ETF1: variants seen among roughly 807,000 people sequenced by gnomAD.
ETF1 encodes eukaryotic peptide chain release factor subunit 1.
A neutral mutation model predicts 55.1 loss-of-function variants in ETF1; 4 were observed. The observed-to-expected ratio is 0.07, with a 90% CI of 0.04 to 0.17. ETF1 has a LOEUF of 0.17. Among genes scored for constraint, ETF1 ranks in the 10% least tolerant of loss-of-function variants. The probability of loss-of-function intolerance (pLI) is 1.00; values close to 1 mark genes in which losing one functional copy is unlikely to be tolerated. For missense variants in ETF1, 142 were observed against 523.6 expected, an observed-to-expected ratio of 0.27 and a Z score of 7.11; for synonymous variants, 157 against 182.3, an observed-to-expected ratio of 0.86 and a Z score of 1.12.
chr5:138,510,858 C>A, intron 8 of ETF1, 187 bp downstream of exon 8: 1 of 845,516 alleles, frequency 1.2e-6, no homozygotes, highest in Non-Finnish European at 1.4e-6. Context: ...ATGTAACAAT[C>A]TTAAGCAGAC....
Position 138,517,691 on chromosome 5 carries a change from T to C in ETF1, c.272A>G (p.Asn91Ser). Residue 91 changes from asparagine to serine, a missense_variant, in exon 4 of 11, where the codon AAT becomes AGT. By Grantham distance (46) the Asn-to-Ser change is conservative. Around this residue, in one of 5 missense-constraint regions of ETF1, gnomAD observed 14 missense variants for 22.3 expected, o/e 0.63. Coordinates refer to ENST00000360541, the MANE Select transcript of ETF1 (RefSeq NM_004730.4). ...TGTTCCACAGTATACAACCAGACCA[T>C]TTGGAGGTACTGCAAAGAACACAAA... is the stretch of plus-strand genomic sequence containing the variant. ...RLKLYNKVPP[N>S]GLVVYCGTIV... 1 of 1,503,298 alleles carries C rather than the reference T, an allele frequency of 6.7e-7. No individual in the cohort carries two copies. The highest frequency in any genetic ancestry group is 9.0e-7 in the Non-Finnish European group (1 of 1,111,360). 93.1% of individuals were successfully genotyped at this position (1,503,298 alleles called of 1,614,324 possible).
intron 2 of ETF1, among the ~76,000 whole-genome samples, chr5:138,526,723 T>TG (rs1277703370): frequency 6.6e-6 from 1 of 151,702 alleles, no homozygotes; most frequent in Non-Finnish European, 1.5e-5. Flanking sequence ...TTTTTTGAGA[T>TG]GGAGTCTCGC....
intron 2 of ETF1, among the ~76,000 whole-genome samples, chr5:138,541,148 C>T (rs1029401958): frequency 3.9e-5 from 6 of 152,308 alleles, no homozygotes; most frequent in Middle Eastern, 6.8e-3. Flanking sequence ...GGATTGAAGG[C>T]TTCAAGTAAC....
intron 2 of ETF1, 154 bp from the exon 3 acceptor site, chr5:138,519,021 T>C (rs749142302): frequency 1.0e-6 from 1 of 982,470 alleles, no homozygotes; most frequent in Non-Finnish European, 1.2e-6. Context: ...TAGTCTTGTT[T>C]ATGAACGTAT....
intron 2 of ETF1, among the ~76,000 whole-genome samples, chr5:138,536,095 C>A (rs1765917891): frequency 6.6e-6 from 1 of 152,150 alleles, no homozygotes; most frequent in South Asian, 2.1e-4. Context: ...AGCCCATTAG[C>A]TTACTGGTTA....
chr5:138,528,544 T>A (rs762432481), intron 2 of ETF1, among the ~76,000 whole-genome samples: 1 of 152,190 alleles, frequency 6.6e-6, no homozygotes, highest in Non-Finnish European at 1.5e-5. Context: ...GGCTCAAAAG[T>A]GTAGCTTGCC....
chr5:138,508,364 A>G lies in ETF1; in HGVS notation c.1255T>C (p.Phe419Leu). The G allele has an allele frequency of 1.2e-6, 2 of 1,614,090 alleles. No individual in the cohort carries two copies. Residue 419 changes from phenylalanine to leucine, a missense_variant, in exon 11 of 11, where the codon TTC (phenylalanine) becomes CTC (leucine). Phe to Leu is a conservative substitution (Grantham distance 22). Around this residue, in one of 5 missense-constraint regions of ETF1, gnomAD observed 82 missense variants for 232.9 expected, o/e 0.35. Coordinates refer to ENST00000360541, the MANE Select transcript of ETF1 (RefSeq NM_004730.4). ...CCTCCTTGGTATTCCATTCCCTGGA[A>G]ATCTACTCGGTACCGCAAGATACCT... ...IGGILRYRVD[F>L]QGMEYQGGDD...
rs1190502694 is a variant in ETF1, at chr5:138,507,739, C to G, written c.*566G>C. The G allele has an allele frequency of 6.5e-6, 1 of 152,770 alleles. No homozygotes were observed. The highest frequency in any genetic ancestry group is 1.5e-5 in the Non-Finnish European group (1 of 68,156). 9.5% of individuals were successfully genotyped at this position (152,770 alleles called of 1,614,324 possible). On this transcript the variant is annotated 3_prime_UTR_variant, in exon 11 of 11. Coordinates refer to ENST00000360541, the MANE Select transcript of ETF1 (RefSeq NM_004730.4). Reference sequence around the variant, plus strand: ...GAGGGAGTGAAGTTGAAAGTGCCTCCTATTAGCTCACCCTTTCAACATTAA... The same window carrying G: ...GAGGGAGTGAAGTTGAAAGTGCCTCGTATTAGCTCACCCTTTCAACATTAA...
Position 138,534,353 on chromosome 5 carries a change from C to T in ETF1, c.86+8480G>A, listed in dbSNP as rs1277914138. 2.0e-5 allele frequency among the ~76,000 whole-genome samples: 3 copies of T among 152,112 alleles called. No homozygotes were observed. In the East Asian group the frequency reaches 5.8e-4, roughly 29 times the overall value. ...TCTTCACAAACCCAGTGGAATATTC[C>T]ACCAGGAAGCAGCTTTGAAGCTGGA... On this transcript the variant is annotated intron_variant, in intron 2 of 10. Transcript: ENST00000360541.
At chr5:138,516,667 A>G (rs1287549231) in intron 4 of ETF1, among the ~76,000 whole-genome samples, 1 of 152,238 alleles carries the variant, frequency 6.6e-6, no homozygotes, top group Non-Finnish European at 1.5e-5. Flanking sequence ...CTAGTGTCAT[A>G]ATAAATGTAA....
intron 10 of ETF1, 47 bp from the exon 11 acceptor site, chr5:138,508,434 G>C: frequency 6.2e-7 from 1 of 1,609,524 alleles, no homozygotes; most frequent in East Asian, 2.2e-5. Flanking sequence ...CATGGGATGG[G>C]CATGTGTGTA....
intron 4 of ETF1, among the ~76,000 whole-genome samples, chr5:138,515,011 A>G (rs528071952): frequency 3.9e-4 from 60 of 152,336 alleles, no homozygotes; most frequent in African/African-American, 1.4e-3. Flanking sequence ...CATAGGTGTG[A>G]GCCACAACAC....
At chr5:138,522,105 G>C (rs1038656902) in intron 2 of ETF1, among the ~76,000 whole-genome samples, 5 of 116,322 alleles carry the variant, frequency 4.3e-5, no homozygotes, top group African/African-American at 1.3e-4. Flanking sequence ...CTTGTTTTTT[G>C]TTTTTTTGGT....
intron 4 of ETF1, 145 bp from the exon 5 acceptor site, chr5:138,513,851 G>A: frequency 9.1e-7 from 1 of 1,102,050 alleles, no homozygotes; most frequent in East Asian, 2.8e-5. Context: ...ATAATTTATA[G>A]ACTTCAGTTA....
At chr5:138,511,860 T>G in intron 6 of ETF1, 1 of 985,056 alleles carries the variant, frequency 1.0e-6, no homozygotes, top group Non-Finnish European at 1.2e-6. Context: ...TAAGTTATTG[T>G]GGAGGAAAGG....
intron 2 of ETF1, chr5:138,541,488 T>G: frequency 6.9e-7 from 1 of 1,456,918 alleles, no homozygotes; most frequent in Non-Finnish European, 9.3e-7. Flanking sequence ...TGTCCCTAAT[T>G]TATTAAGAAC....
chr5:138,512,679 G>T, intron 6 of ETF1, 85 bp downstream of exon 6: 2 of 1,238,658 alleles, frequency 1.6e-6, no homozygotes, highest in Middle Eastern at 2.8e-4. Flanking sequence ...ATTTTAAAAA[G>T]ATGTGTCTGT....
chr5:138,531,311 T>C (rs1765690393), intron 2 of ETF1, among the ~76,000 whole-genome samples: 1 of 152,172 alleles, frequency 6.6e-6, no homozygotes, highest in Non-Finnish European at 1.5e-5. Flanking sequence ...CAACAAAGGA[T>C]GCAGCGTTCA....
At chr5:138,539,361 C>T (rs112469375) in intron 2 of ETF1, among the ~76,000 whole-genome samples, 5 of 152,198 alleles carry the variant, frequency 3.3e-5, no homozygotes, top group Admixed American at 3.3e-4. Context: ...TAATTCTCCC[C>T]CTTTTTCCAA....
Sources: allele counts gnomAD v4.1 joint callset (sites outside exome capture counted in the v4.1 genomes callset), GRCh38; gene constraint gnomAD v4.1.1; regional missense constraint gnomAD v4.1.1; transcripts MANE v1.5; gene names NCBI Gene and HGNC (gene_info 2026-07-23, HGNC 2026-07-21).